ASXL1: variants seen among roughly 807,000 people sequenced by gnomAD.
ASXL1 encodes the protein ASXL transcriptional regulator 1, also known as polycomb group protein ASXL1.
A neutral mutation model predicts 89.1 loss-of-function variants in ASXL1; 65 were observed. That is an observed-to-expected ratio of 0.73 (90% CI 0.60 to 0.90). The LOEUF (loss-of-function observed/expected upper bound fraction) is 0.90. Among genes scored for constraint, ASXL1 ranks in the 40% least tolerant of loss-of-function variants. The pLI is 0.00. For synonymous variants in ASXL1, 739 were observed against 746.9 expected (o/e 0.99, Z 0.17); for missense variants, 1,786 against 1,942.9 (o/e 0.92, Z 1.52).
At chr20:32,390,404 T>G (rs574402080) in intron 4 of ASXL1, among the ~76,000 whole-genome samples, 1 of 152,362 alleles carries the variant, frequency 6.6e-6, no homozygotes, top group East Asian at 1.9e-4. Flanking sequence ...TCACCTTTTT[T>G]TGTGTATAGT....
At chr20:32,393,071 G>A (rs1270591739) in intron 4 of ASXL1, among the ~76,000 whole-genome samples, 1 of 152,010 alleles carries the variant, frequency 6.6e-6, no homozygotes, top group Non-Finnish European at 1.5e-5. Flanking sequence ...TCTCAATTCT[G>A]TTTTGCTTGT....
chr20:32,413,249 C>A (rs1025360579), intron 4 of ASXL1, among the ~76,000 whole-genome samples: 1 of 151,764 alleles, frequency 6.6e-6, no homozygotes, highest in African/African-American at 2.4e-5. Context: ...AAAAGAAACA[C>A]AAGAAGAATA....
chr20:32,364,433 GTT>G (rs544736249), intron 1 of ASXL1, among the ~76,000 whole-genome samples: 92 of 151,980 alleles, frequency 6.1e-4, no homozygotes, highest in Non-Finnish European at 1.1e-3. Flanking sequence ...GCCCAGGCTG[GTT>G]TTGAACTCCT....
intron 4 of ASXL1, among the ~76,000 whole-genome samples, chr20:32,423,100 A>G (rs1442792857): frequency 6.6e-6 from 1 of 152,178 alleles, no homozygotes; most frequent in Non-Finnish European, 1.5e-5. Context: ...TAGAGTTTAT[A>G]TGGAAAGATT....
chr20:32,411,148 T>C (rs1240535812), intron 4 of ASXL1, among the ~76,000 whole-genome samples: 2 of 149,906 alleles, frequency 1.3e-5, no homozygotes, highest in East Asian at 1.9e-4. Context: ...TTAGTTGTGG[T>C]TTTTCAGTAA....
intron 4 of ASXL1, among the ~76,000 whole-genome samples, chr20:32,426,394 C>T (rs1038019985): frequency 2.0e-5 from 3 of 151,610 alleles, no homozygotes; most frequent in African/African-American, 7.3e-5. Context: ...TCTTAGTTTG[C>T]CCATGAGAGA....
chr20:32,372,039 A>C, intron 4 of ASXL1: 1 of 1,206,480 alleles, frequency 8.3e-7, no homozygotes. Context: ...ACTTTTTTCT[A>C]TGAGTACCTT....
rs2123252764 is a variant in ASXL1 at position 32,433,320 on chromosome 20, C to T, written c.1122C>T (p.Asn374=). The T allele has an allele frequency of 5.0e-6, 8 of 1,614,086 alleles. No homozygotes were observed. The highest frequency in any genetic ancestry group is 2.2e-5 in the East Asian group (1 of 44,878). ...GLTKEESLQQ[N]VGQEEAEIKS... ...CCAAAGAAGAGTCATTGCAGCAGAA[C>T]GTGGGCCAGGAGGAGGCTGAAATCA... The change falls in exon 12 of 13, where the codon AAC becomes AAT. Residue 374 remains asparagine (N), a synonymous_variant. Transcript: ENST00000375687.
At chr20:32,416,107 T>TG (rs1339670362) in intron 4 of ASXL1, among the ~76,000 whole-genome samples, 1 of 152,194 alleles carries the variant, frequency 6.6e-6, no homozygotes, top group Non-Finnish European at 1.5e-5. Flanking sequence ...ATATGTATTT[T>TG]GGGGGTACAG....
chr20:32,434,384 TC>T lies in ASXL1; in HGVS notation c.1720-47del, dbSNP rs775202646. ...CTAGTTTTGCTTTACAGTCCCTAGG[TC>T]AGATCACCCAGTCAGTTAAAACTAT... On this transcript the variant is annotated intron_variant, in intron 12 of 12. Transcript: ENST00000375687. 10 of 1,607,388 alleles carry T rather than the reference TC, an allele frequency of 6.2e-6. No individual in the cohort carries two copies. The East Asian group carries it at 2.2e-4, about 36-fold the overall frequency.
At chr20:32,378,313 C>T (rs1001342611) in intron 4 of ASXL1, among the ~76,000 whole-genome samples, 1 of 152,000 alleles carries the variant, frequency 6.6e-6, no homozygotes, top group Non-Finnish European at 1.5e-5. Flanking sequence ...AACCACCATG[C>T]CCAGCCTTTG....
At chr20:32,422,358 A>G (rs192471713) in intron 4 of ASXL1, among the ~76,000 whole-genome samples, 4 of 150,280 alleles carry the variant, frequency 2.7e-5, no homozygotes, top group Admixed American at 1.3e-4. Flanking sequence ...GGGGAAGGAT[A>G]GGAGGAGGTA....
At chr20:32,410,922 TG>T (rs527884699) in intron 4 of ASXL1, among the ~76,000 whole-genome samples, 120 of 150,380 alleles carry the variant, frequency 8.0e-4, no homozygotes, top group Non-Finnish European at 8.6e-4. Context: ...TCTCAGCTAC[TG>T]GGGGAGGGTG....
At chr20:32,375,930 A>G (rs113092728) in intron 4 of ASXL1, among the ~76,000 whole-genome samples, 3,238 of 151,996 alleles carry the variant, frequency 0.021, 116 homozygotes, top group African/African-American at 0.074. Context: ...CAATCCTCCC[A>G]CCTCAGCCTC....
rs1166225514 is a variant in ASXL1, at chr20:32,436,323, G to T, written c.3611G>T (p.Cys1204Phe). 1.9e-6 allele frequency: 3 copies of T among 1,614,004 alleles called. No homozygotes were observed. The highest frequency in any genetic ancestry group is 2.7e-5 in the African/African-American group (2 of 75,048). Residue 1204 changes from cysteine to phenylalanine, a missense_variant, in exon 13 of 13, where the codon TGC becomes TTC. Cys to Phe is a radical substitution (Grantham distance 205). This residue lies in a region of ASXL1 where 1,418 missense variants were observed against 1,427.8 expected (regional missense o/e 0.99). Transcript: ENST00000375687. ...TQAPGAPQKN[C>F]KAVPSFDSLH... ...GCTCCTGGAGCACCCCAAAAGAATT[G>T]CAAGGCAGTCCCAAGTTTTGACTCC...
At chr20:32,416,080 A>T (rs964930883) in intron 4 of ASXL1, among the ~76,000 whole-genome samples, 6 of 152,192 alleles carry the variant, frequency 3.9e-5, no homozygotes, top group Admixed American at 6.5e-5. Flanking sequence ...AATTTTGAAA[A>T]TTGAGATATA....
At chr20:32,379,760 A>G (rs977358802) in intron 4 of ASXL1, among the ~76,000 whole-genome samples, 2 of 151,658 alleles carry the variant, frequency 1.3e-5, no homozygotes, top group African/African-American at 4.8e-5. Context: ...CGGGAGGCAG[A>G]GGTTGCAGTG....
intron 11 of ASXL1, 97 bp downstream of exon 11, chr20:32,433,082 G>A: frequency 6.4e-7 from 1 of 1,565,946 alleles, no homozygotes; most frequent in Non-Finnish European, 8.6e-7. Context: ...GGACAAGAAT[G>A]TGGAGATTGC....
At chr20:32,370,402 T>C (rs1360220138) in intron 4 of ASXL1, among the ~76,000 whole-genome samples, 2 of 151,854 alleles carry the variant, frequency 1.3e-5, no homozygotes, top group Non-Finnish European at 2.9e-5. Context: ...TGAATGGGCA[T>C]GGCTGTGTTC....
Sources: gnomAD v4.1 joint callset for allele counts (sites outside exome capture counted in the v4.1 genomes callset) on GRCh38, gnomAD v4.1.1 for gene constraint, gnomAD v4.1.1 regional missense constraint, MANE v1.5 for transcripts, NCBI Gene and HGNC (gene_info 2026-07-23, HGNC 2026-07-21) for gene names.